Variants in RFX3 observed in about 807,000 individuals in gnomAD.
RFX3 encodes the protein transcription factor RFX3.
RFX3 carries 14 observed loss-of-function variants against 98.6 expected under a neutral mutation model. The ratio of observed to expected loss-of-function variants is 0.14; its 90% CI spans 0.09 to 0.22. The LOEUF is 0.22. RFX3 is among the 10% of genes least tolerant of loss of function. The pLI is 1.00. For missense variants in RFX3, 639 were observed against 926.9 expected (o/e 0.69, Z 4.03); for synonymous variants, 383 against 328.4 (o/e 1.17, Z -1.80).
At chr9:3,315,412 G>C (rs1830466345) in intron 4 of RFX3, among the ~76,000 whole-genome samples, 1 of 152,120 alleles carries the variant, frequency 6.6e-6, no homozygotes, top group Non-Finnish European at 1.5e-5. Context: ...ATGCCCACAA[G>C]AGAAAGCAGG....
At chr9:3,279,777 A>C (rs997629863) in intron 7 of RFX3, among the ~76,000 whole-genome samples, 1 of 151,842 alleles carries the variant, frequency 6.6e-6, no homozygotes, top group Non-Finnish European at 1.5e-5. Flanking sequence ...AAAGTTCCTA[A>C]TGAAAGGAGA....
rs981224190 is a variant in RFX3 at position 3,218,812 on chromosome 9, G to A, written c.*6230C>T. On this transcript the variant is annotated 3_prime_UTR_variant, in exon 17 of 17. Transcript: ENST00000617270. ...ATATTCAGTCGATTGTAAAATAAATGTTCAAATATCTCCTAGTGTTACTAT... is the reference window on the plus strand; with the variant it reads ...ATATTCAGTCGATTGTAAAATAAATATTCAAATATCTCCTAGTGTTACTAT... 3 of 152,014 alleles carry A rather than the reference G, an allele frequency of 2.0e-5. No homozygotes were observed. The highest frequency in any genetic ancestry group is 6.6e-5 in the Admixed American group (1 of 15,242). The allele number at this position is 152,014 out of a possible 1,614,324, so 9.4% of individuals were successfully genotyped here.
Position 3,378,652 on chromosome 9 carries a change from G to A in RFX3, c.117+16820C>T, listed in dbSNP as rs562890661. Among the ~76,000 whole-genome samples, 403 of 150,822 alleles carry A rather than the reference G, an allele frequency of 2.7e-3. 2 individuals are homozygous for A. Among genetic ancestry groups the A allele is most frequent in the African/African-American group, 9.6e-3 (394 of 40,996 alleles). On this transcript the variant is annotated intron_variant, in intron 2 of 16. Coordinates refer to ENST00000617270, the MANE Select transcript of RFX3 (RefSeq NM_001282116.2). The stretch of plus-strand genomic sequence containing the variant: ...GCTCACTGCAACCTCTGCCTCCCGG[G>A]TTCAAGCGATTCTCCTGCTTCACCT...
intron 4 of RFX3, among the ~76,000 whole-genome samples, chr9:3,314,908 T>C (rs1830408655): frequency 6.6e-6 from 1 of 151,972 alleles, no homozygotes; most frequent in Admixed American, 6.6e-5. Context: ...GACTTAGACA[T>C]CCACACAATA....
chr9:3,336,634 G>A (rs1272189997), intron 3 of RFX3, among the ~76,000 whole-genome samples: 2 of 152,136 alleles, frequency 1.3e-5, no homozygotes, highest in Admixed American at 6.5e-5. Flanking sequence ...AAGGAAATTA[G>A]AAGTCTGAAG....
intron 1 of RFX3, among the ~76,000 whole-genome samples, chr9:3,435,376 T>C (rs1360077844): frequency 2.1e-5 from 3 of 144,886 alleles, no homozygotes; most frequent in Non-Finnish European, 4.5e-5. Context: ...GTAATCTTTT[T>C]GTATATTTAG....
intron 1 of RFX3, among the ~76,000 whole-genome samples, chr9:3,413,974 C>G (rs1303534571): frequency 3.9e-5 from 6 of 152,218 alleles, no homozygotes; most frequent in Admixed American, 1.3e-4. Context: ...TTTACCTCCT[C>G]TGTTACATCC....
intron 13 of RFX3, 45 bp downstream of exon 13, chr9:3,262,889 TG>T (rs1823107961): frequency 6.3e-7 from 1 of 1,583,012 alleles, no homozygotes; most frequent in African/African-American, 1.4e-5. Context: ...AAGAACAAAT[TG>T]GGTATCTTTC....
At chr9:3,380,114 T>C (rs1010976403) in intron 2 of RFX3, among the ~76,000 whole-genome samples, 6 of 151,892 alleles carry the variant, frequency 4.0e-5, no homozygotes, top group African/African-American at 1.5e-4. Context: ...TTAGTAGAGA[T>C]GAGGGTTTCA....
At chr9:3,388,387 C>T (rs1839943307) in intron 2 of RFX3, among the ~76,000 whole-genome samples, 1 of 152,048 alleles carries the variant, frequency 6.6e-6, no homozygotes, top group Admixed American at 6.6e-5. Context: ...GATTTGTTCC[C>T]CAAAGAAAAT....
At chr9:3,449,632 T>C (rs573963428) in intron 1 of RFX3, among the ~76,000 whole-genome samples, 2 of 152,024 alleles carry the variant, frequency 1.3e-5, no homozygotes, top group Non-Finnish European at 2.9e-5. Context: ...GCCAAGGAGC[T>C]CCTGAGCTCA....
At chr9:3,276,841 T>G (rs149190668) in intron 8 of RFX3, among the ~76,000 whole-genome samples, 1 of 152,232 alleles carries the variant, frequency 6.6e-6, no homozygotes, top group African/African-American at 2.4e-5. Flanking sequence ...AAGTTTTTCT[T>G]CCTAACTCTT....
intron 2 of RFX3, among the ~76,000 whole-genome samples, chr9:3,369,466 C>G (rs1587359451): frequency 6.6e-6 from 1 of 152,304 alleles, no homozygotes; most frequent in East Asian, 1.9e-4. Context: ...ATTTTGTCCA[C>G]AAACACAAAC....
intron 3 of RFX3, chr9:3,344,654 C>A (rs770153958): frequency 6.9e-6 from 4 of 578,532 alleles, no homozygotes; most frequent in Non-Finnish European, 9.3e-6. Flanking sequence ...AAGCTACAAA[C>A]TCCCATTCTC....
rs373253322 is a variant in RFX3, at chr9:3,402,196, T to C, written c.-8-6600A>G. On this transcript the variant is annotated intron_variant, in intron 1 of 16. Transcript: ENST00000617270. ...ATAGGTAGTATCCACCTAATTTTTA[T>C]TGGGGTCTTTCATCCTGAAATAATT... Among the ~76,000 whole-genome samples, 126 of 152,282 alleles carry C rather than the reference T, an allele frequency of 8.3e-4. 3 individuals are homozygous for C. In the South Asian group the frequency reaches 0.025, roughly 30 times the overall value.
chr9:3,309,610 T>C (rs1241500658), intron 4 of RFX3, among the ~76,000 whole-genome samples: 7 of 152,092 alleles, frequency 4.6e-5, no homozygotes, highest in Admixed American at 4.6e-4. Flanking sequence ...TCAAATGATG[T>C]CCAATAAACG....
In RFX3 at chr9:3,220,553, T is replaced by C. The variant is rs897997633; in HGVS notation, c.*4489A>G. The C allele has an allele frequency of 1.3e-5, 2 of 151,976 alleles. No individual in the cohort carries two copies. The highest frequency in any genetic ancestry group is 2.9e-5 in the Non-Finnish European group (2 of 67,992). 9.4% of individuals were successfully genotyped at this position (151,976 alleles called of 1,614,324 possible). ...TTAGATGGCAGTGAATATTTGGGAA[T>C]AAATATATCAAGCCCTCTTGAAGAA... On this transcript the variant is annotated 3_prime_UTR_variant, in exon 17 of 17. Transcript: ENST00000617270.
chr9:3,300,495 TA>T (rs919101784), intron 5 of RFX3, among the ~76,000 whole-genome samples: 1 of 151,414 alleles, frequency 6.6e-6, no homozygotes, highest in Non-Finnish European at 1.5e-5. Context: ...ATCAAATACT[TA>T]AAAAAAACAC....
intron 1 of RFX3, among the ~76,000 whole-genome samples, chr9:3,497,811 C>G (rs534076548): frequency 6.6e-6 from 1 of 151,958 alleles, no homozygotes; most frequent in East Asian, 1.9e-4. Context: ...ATTTTCTAAT[C>G]TGTTTAGGGC....
Sources: allele counts gnomAD v4.1 joint callset (sites outside exome capture counted in the v4.1 genomes callset), GRCh38; gene constraint gnomAD v4.1.1; transcripts MANE v1.5; gene names NCBI Gene and HGNC (gene_info 2026-07-23, HGNC 2026-07-21).